Variants in SYT14 observed in about 807,000 individuals in gnomAD.
SYT14 encodes the protein synaptotagmin-14.
A neutral mutation model predicts 74.2 loss-of-function variants in SYT14; 32 were observed. The observed-to-expected ratio is 0.43, with a 90% CI of 0.33 to 0.58. The LOEUF (loss-of-function observed/expected upper bound fraction) is 0.58, where lower values mean the gene tolerates loss of function less well. SYT14 is among the 20% of genes least tolerant of loss of function. The pLI, the probability that SYT14 is intolerant of heterozygous loss-of-function variation, is 0.05. For missense variants in SYT14, 791 were observed against 981.8 expected (o/e 0.81, Z 2.60); for synonymous variants, 298 against 337.7 (o/e 0.88, Z 1.29).
At chr1:209,962,619 C>T (rs2079094373) in intron 2 of SYT14, among the ~76,000 whole-genome samples, 1 of 152,074 alleles carries the variant, frequency 6.6e-6, no homozygotes, top group South Asian at 2.1e-4. Context: ...CGCATTGACT[C>T]ATGCTTGTTA....
intron 2 of SYT14, among the ~76,000 whole-genome samples, chr1:209,972,142 A>G (rs1219743017): frequency 2.6e-5 from 4 of 151,982 alleles, no homozygotes; most frequent in African/African-American, 7.2e-5. Context: ...GGATTTATCC[A>G]TTTCCTCTAG....
rs569063640 is a variant in SYT14 at position 210,119,718 on chromosome 1, G to A, written c.2034+19257G>A. ...ATGAACATGCTCCTGCAAGTACCACGTGTTTGTATTCCCGGAGCTCCTGTT... is the reference window on the plus strand; with the variant it reads ...ATGAACATGCTCCTGCAAGTACCACATGTTTGTATTCCCGGAGCTCCTGTT... On this transcript the variant is annotated intron_variant, in intron 7 of 9. Coordinates refer to ENST00000637265, the Ensembl canonical transcript of SYT14. 9.9e-5 allele frequency among the ~76,000 whole-genome samples: 15 copies of A among 152,266 alleles called. No individual in the cohort carries two copies. The East Asian group carries it at 1.7e-3, about 18-fold the overall frequency.
chr1:209,955,556 A>G (rs1018344516), intron 2 of SYT14, among the ~76,000 whole-genome samples: 2 of 151,976 alleles, frequency 1.3e-5, no homozygotes, highest in Non-Finnish European at 2.9e-5. Flanking sequence ...GATCACTGTC[A>G]TAGTTTTCTA....
chr1:209,952,652 C>T, intron 1 of SYT14, 57 bp from the exon 2 acceptor site: 1 of 1,419,472 alleles, frequency 7.0e-7, no homozygotes, highest in Non-Finnish European at 9.9e-7. Context: ...TTCTTTGTAA[C>T]AGTCAGATTC....
At position 210,063,019 on chromosome 1, in the gene SYT14, T is replaced by C. The variant is rs922399215; in HGVS notation, c.1313-31303T>C. ...CCTTTGTTGCATGTAATATTTTTTC[T>C]AGTTTTTTTTTTTTTAACATTGATG... On this transcript the variant is annotated intron_variant, in intron 5 of 9. Coordinates refer to ENST00000637265, the Ensembl canonical transcript of SYT14. Among the ~76,000 whole-genome samples, 11 of 123,070 alleles carry C rather than the reference T, an allele frequency of 8.9e-5. 1 individual carries two copies. Among genetic ancestry groups the C allele is most frequent in the Admixed American group, 2.8e-4 (3 of 10,786 alleles). 80.7% of individuals were successfully genotyped at this position (123,070 alleles called of 152,430 possible). A position where few individuals can be genotyped will look rare whatever the true frequency, so the allele number is the denominator to read the frequency against.
At chr1:210,105,198 T>C (rs995719722) in intron 7 of SYT14, among the ~76,000 whole-genome samples, 4 of 152,214 alleles carry the variant, frequency 2.6e-5, no homozygotes, top group African/African-American at 4.8e-5. Context: ...GATTCTGATA[T>C]ACATTAAAGT....
In SYT14 at chr1:210,113,978, T is replaced by A. The variant is rs968430553; in HGVS notation, c.2034+13517T>A. The stretch of plus-strand genomic sequence containing the variant: ...GTGGAGTTGGTAGCCTCCACATTGA[T>A]TAAGAAGGGGACGGACTTACCTTCC... On this transcript the variant is annotated intron_variant, in intron 7 of 9. Transcript: ENST00000637265. Among the ~76,000 whole-genome samples, 7 of 151,258 alleles carry A rather than the reference T, an allele frequency of 4.6e-5. 1 individual carries two copies. Among genetic ancestry groups the A allele is most frequent in the African/African-American group, 1.7e-4 (7 of 40,588 alleles).
Position 209,972,906 on chromosome 1 carries a change from G to A in SYT14, c.-486+20150G>A, listed in dbSNP as rs568058670. Among the ~76,000 whole-genome samples the A allele has an allele frequency of 5.6e-4, 85 of 152,240 alleles. 1 individual carries two copies. Among genetic ancestry groups the A allele is most frequent in the Admixed American group, 5.9e-4 (9 of 15,288 alleles). On this transcript the variant is annotated intron_variant, in intron 2 of 9. Transcript: ENST00000637265. ...ACTTAAGTCCAGAAATTCTTTGTTG[G>A]TTTTCTGCCACGATGATGTGTCTCA... is the stretch of plus-strand genomic sequence containing the variant.
rs117813860 is a variant in SYT14 at position 210,118,490 on chromosome 1, T to G, written c.2034+18029T>G. ...TGATTGTTTTTTGTTTTGTTTTTGTTTTTTGAGATGGAGTCTTGCTTTCAT... is the reference window on the plus strand; with the variant it reads ...TGATTGTTTTTTGTTTTGTTTTTGTGTTTTGAGATGGAGTCTTGCTTTCAT... On this transcript the variant is annotated intron_variant, in intron 7 of 9. Coordinates refer to ENST00000637265, the Ensembl canonical transcript of SYT14. Among the ~76,000 whole-genome samples the G allele has an allele frequency of 3.4e-3, 525 of 152,242 alleles. 18 individuals carry two copies. In the East Asian group the frequency reaches 0.093, roughly 27 times the overall value.
chr1:210,117,879 A>G (rs1366351956), intron 7 of SYT14, among the ~76,000 whole-genome samples: 1 of 152,222 alleles, frequency 6.6e-6, no homozygotes, highest in Non-Finnish European at 1.5e-5. Context: ...TTTTTAAAGT[A>G]TTTAATATAG....
At chr1:210,015,878 A>G in exon 4 of SYT14, 1 of 1,224,398 alleles carries the variant, frequency 8.2e-7, no homozygotes, top group Non-Finnish European at 1.0e-6. Flanking sequence ...CTACAATGTG[A>G]ATTGCTAATA....
chr1:210,015,353 G>A (rs1215320823), intron 3 of SYT14, among the ~76,000 whole-genome samples: 1 of 152,024 alleles, frequency 6.6e-6, no homozygotes, highest in Non-Finnish European at 1.5e-5. Context: ...AAATGTCTCA[G>A]GGAACTTAAT....
intron 2 of SYT14, among the ~76,000 whole-genome samples, chr1:209,999,262 G>A (rs983025680): frequency 6.6e-6 from 1 of 152,126 alleles, no homozygotes; most frequent in Non-Finnish European, 1.5e-5. Context: ...AACAGATGTT[G>A]TCAAGGATGC....
intron 5 of SYT14, among the ~76,000 whole-genome samples, chr1:210,060,634 A>G (rs564106067): frequency 6.6e-5 from 10 of 152,208 alleles, no homozygotes; most frequent in South Asian, 6.2e-4. Flanking sequence ...TGGGCAAAAA[A>G]TATGGAAATT....
exon 3 of SYT14, chr1:210,013,671 G>A (rs113313138): frequency 6.2e-7 from 1 of 1,613,004 alleles, no homozygotes; most frequent in Admixed American, 1.7e-5. Context: ...AGCTGTTGGG[G>A]TGTTTATTAT....
intron 5 of SYT14, among the ~76,000 whole-genome samples, chr1:210,090,047 AC>A (rs1485535840): frequency 6.6e-6 from 1 of 152,204 alleles, no homozygotes; most frequent in Non-Finnish European, 1.5e-5. Flanking sequence ...AAGTGAAGTT[AC>A]AGCGTTACAC....
intron 2 of SYT14, among the ~76,000 whole-genome samples, chr1:209,967,429 C>T (rs569405139): frequency 1.3e-5 from 2 of 152,126 alleles, no homozygotes; most frequent in East Asian, 3.9e-4. Context: ...GAGAAGCCAC[C>T]TAGGCCTTGG....
chr1:209,940,267 A>G (rs2078707205), intron 1 of SYT14, among the ~76,000 whole-genome samples: 1 of 152,202 alleles, frequency 6.6e-6, no homozygotes, highest in Non-Finnish European at 1.5e-5. Flanking sequence ...TGTACTAAGG[A>G]CATCTTAAAA....
chr1:210,130,694 G>C (rs2082656092), intron 7 of SYT14, among the ~76,000 whole-genome samples: 1 of 152,134 alleles, frequency 6.6e-6, no homozygotes, highest in African/African-American at 2.4e-5. Flanking sequence ...ATAACACATC[G>C]TGATAAAGTG....
Sources: gnomAD v4.1 joint callset for allele counts (sites outside exome capture counted in the v4.1 genomes callset) on GRCh38, gnomAD v4.1.1 for gene constraint, MANE v1.5 for transcripts, NCBI Gene and HGNC (gene_info 2026-07-23, HGNC 2026-07-21) for gene names.